The following RALYL variants were observed in gnomAD, a reference collection of about 807,000 sequenced individuals.
RALYL encodes the protein RALY RNA binding protein like.
A neutral mutation model predicts 35.1 loss-of-function variants in RALYL; 29 were observed. That is an observed-to-expected ratio of 0.83 (90% CI 0.61 to 1.13). RALYL has a LOEUF of 1.13. Among genes scored for constraint, RALYL ranks in the 50% most tolerant of loss-of-function variants. The pLI, the probability that RALYL is intolerant of heterozygous loss-of-function variation, is 0.00. For missense variants in RALYL, 359 were observed against 360.4 expected, an observed-to-expected ratio of 1.00 and a Z score of 0.03; for synonymous variants, 120 against 127.6, an observed-to-expected ratio of 0.94 and a Z score of 0.40.
At chr8:84,776,605 C>T (rs967436670) in intron 3 of RALYL, among the ~76,000 whole-genome samples, 3 of 152,118 alleles carry the variant, frequency 2.0e-5, no homozygotes, top group Admixed American at 2.0e-4. Flanking sequence ...GCAGCTAATG[C>T]AGAACATTTG....
At chr8:84,419,442 T>A (rs1047716582) in intron 1 of RALYL, among the ~76,000 whole-genome samples, 14 of 152,176 alleles carry the variant, frequency 9.2e-5, no homozygotes, top group African/African-American at 3.4e-4. Context: ...ATTCTGCATC[T>A]GTACCATTAT....
chr8:84,244,657 A>G (rs1828709559), intron 1 of RALYL, among the ~76,000 whole-genome samples: 1 of 152,152 alleles, frequency 6.6e-6, no homozygotes, highest in Non-Finnish European at 1.5e-5. Flanking sequence ...TGTTAACCCA[A>G]TTACCTCAAA....
intron 1 of RALYL, among the ~76,000 whole-genome samples, chr8:84,382,139 A>AGTT (rs1858113571): frequency 6.6e-6 from 1 of 151,070 alleles, no homozygotes; most frequent in Admixed American, 6.6e-5. Flanking sequence ...CATACTTAAC[A>AGTT]TTGTCAAAAA....
At chr8:84,454,522 CT>C (rs2049913160) in intron 1 of RALYL, among the ~76,000 whole-genome samples, 2 of 152,020 alleles carry the variant, frequency 1.3e-5, no homozygotes, top group Admixed American at 1.3e-4. Flanking sequence ...TTTAAATCAA[CT>C]CGATTTGTGT....
chr8:84,895,473 G>A (rs1341258166), intron 8 of RALYL, among the ~76,000 whole-genome samples: 2 of 151,804 alleles, frequency 1.3e-5, no homozygotes, highest in African/African-American at 4.8e-5. Flanking sequence ...TTTATTGTAG[G>A]GCATTTTTAT....
rs559503837 is a variant in RALYL at position 84,542,136 on chromosome 8, T to C, written c.256+12559T>C. ...GTGGCCATTTTTAGATTAATGTTTCTTTTATTGTTTTGCCGTTTCCACTCT... is the reference window on the plus strand; with the variant it reads ...GTGGCCATTTTTAGATTAATGTTTCCTTTATTGTTTTGCCGTTTCCACTCT... On this transcript the variant is annotated intron_variant, in intron 2 of 8. Coordinates refer to ENST00000521268, the MANE Select transcript of RALYL (RefSeq NM_173848.7). Among the ~76,000 whole-genome samples, 7 of 152,264 alleles carry C rather than the reference T, an allele frequency of 4.6e-5. No individual in the cohort carries two copies. The South Asian group carries it at 1.5e-3, about 32-fold the overall frequency.
chr8:84,732,683 T>TATATATATATATATACACACACACAC lies in RALYL; in HGVS notation c.257-41895_257-41894insTATATATATATATACACACACACACA. ...TATTAAATAATTATATATATATATATACACACACACACACATATATATAAT... is the reference window on the plus strand; with the variant it reads ...TATTAAATAATTATATATATATATATATATATATATATATACACACACACACACACACACACACACATATATATAAT... On this transcript the variant is annotated intron_variant, in intron 2 of 8. Transcript: ENST00000521268. 8.8e-3 allele frequency among the ~76,000 whole-genome samples: 1,173 copies of TATATATATATATATACACACACACAC among 132,988 alleles called. 23 individuals are homozygous for TATATATATATATATACACACACACAC. Among genetic ancestry groups the TATATATATATATATACACACACACAC allele is most frequent in the Non-Finnish European group, 0.011 (689 of 63,346 alleles). The allele number at this position is 132,988 out of a possible 152,430, so 87.2% of individuals were successfully genotyped here.
chr8:84,433,200 G>A (rs2047328246), intron 1 of RALYL, among the ~76,000 whole-genome samples: 1 of 152,082 alleles, frequency 6.6e-6, no homozygotes, highest in African/African-American at 2.4e-5. Context: ...TCCTTCAGGA[G>A]ACAAATATGT....
At chr8:84,237,031 A>G (rs1244949510) in intron 1 of RALYL, among the ~76,000 whole-genome samples, 1 of 152,226 alleles carries the variant, frequency 6.6e-6, no homozygotes, top group Non-Finnish European at 1.5e-5. Context: ...CTCTCCAAAT[A>G]TCCTACAGAA....
chr8:84,189,974 C>T (rs934834870), intron 1 of RALYL, among the ~76,000 whole-genome samples: 3 of 152,302 alleles, frequency 2.0e-5, no homozygotes, highest in East Asian at 3.9e-4. Flanking sequence ...TGCATGGCAT[C>T]ACATTTGTGA....
intron 1 of RALYL, among the ~76,000 whole-genome samples, chr8:84,212,991 C>T (rs546865887): frequency 6.6e-6 from 1 of 152,234 alleles, no homozygotes; most frequent in African/African-American, 2.4e-5. Flanking sequence ...AGAAATTATT[C>T]TTTATAACAT....
At chr8:84,860,418 T>C (rs1276777620) in intron 5 of RALYL, among the ~76,000 whole-genome samples, 1 of 152,224 alleles carries the variant, frequency 6.6e-6, no homozygotes, top group Non-Finnish European at 1.5e-5. Context: ...TTTCACTCAA[T>C]AGTTTTGGGT....
chr8:84,722,744 T>C (rs1028706955), intron 2 of RALYL, among the ~76,000 whole-genome samples: 1 of 149,000 alleles, frequency 6.7e-6, no homozygotes, highest in Admixed American at 6.8e-5. Flanking sequence ...TACATATCAC[T>C]CTAGCAATAT....
chr8:84,843,863 G>A (rs1472012305), intron 4 of RALYL, among the ~76,000 whole-genome samples: 1 of 152,138 alleles, frequency 6.6e-6, no homozygotes, highest in South Asian at 2.1e-4. Flanking sequence ...AACAAGCAAT[G>A]GGGAAAGGAT....
chr8:84,686,398 G>T (rs892138978), intron 2 of RALYL, among the ~76,000 whole-genome samples: 1 of 148,750 alleles, frequency 6.7e-6, no homozygotes. Flanking sequence ...ACATCATATT[G>T]TTTGTTTGTT....
At chr8:84,811,655 T>A (rs1437920611) in intron 4 of RALYL, among the ~76,000 whole-genome samples, 1 of 152,224 alleles carries the variant, frequency 6.6e-6, no homozygotes, top group Non-Finnish European at 1.5e-5. Flanking sequence ...TACCGATTAT[T>A]CTTAGGTTTG....
chr8:84,463,145 C>T (rs547982688), intron 1 of RALYL, among the ~76,000 whole-genome samples: 1 of 152,024 alleles, frequency 6.6e-6, no homozygotes, highest in East Asian at 1.9e-4. Flanking sequence ...TTCTTCCAAA[C>T]ATTCCTAATG....
chr8:84,879,991 A>C (rs1019650043), intron 7 of RALYL, among the ~76,000 whole-genome samples: 6 of 152,122 alleles, frequency 3.9e-5, no homozygotes, highest in Non-Finnish European at 1.5e-5. Flanking sequence ...TTCTAGAATG[A>C]GCTAAAGGCA....
Position 84,251,920 on chromosome 8 carries a change from C to T in RALYL, c.-24+67496C>T, listed in dbSNP as rs182139520. On this transcript the variant is annotated intron_variant, in intron 1 of 8. Coordinates refer to ENST00000521268, the MANE Select transcript of RALYL (RefSeq NM_173848.7). ...TCCTTTTCAAATTCTCCTGGTAGTT[C>T]CATTTTAGTTTTTTGTTTGTTTGTT... Among the ~76,000 whole-genome samples, 255 of 150,566 alleles carry T rather than the reference C, an allele frequency of 1.7e-3. 1 individual carries two copies. Among genetic ancestry groups the T allele is most frequent in the African/African-American group, 6.0e-3 (245 of 41,162 alleles).
Sources: allele counts gnomAD v4.1 joint callset (sites outside exome capture counted in the v4.1 genomes callset), GRCh38; gene constraint gnomAD v4.1.1; transcripts MANE v1.5; gene names NCBI Gene and HGNC (gene_info 2026-07-23, HGNC 2026-07-21).